Variants in COLEC11 observed in about 807,000 individuals in gnomAD.
COLEC11 encodes the protein collectin-11.
A neutral mutation model predicts 27.3 loss-of-function variants in COLEC11; 20 were observed. The observed-to-expected ratio is 0.73, with a 90% CI of 0.51 to 1.06. The LOEUF is 1.06. Among genes scored for constraint, COLEC11 ranks in the 50% least tolerant of loss-of-function variants. COLEC11 has a pLI of 0.00. For synonymous variants in COLEC11, 163 were observed against 154.7 expected (o/e 1.05, Z -0.40); for missense variants, 310 against 383.0 (o/e 0.81, Z 1.59).
intron 5 of COLEC11, among the ~76,000 whole-genome samples, chr2:3,642,675 T>G (rs112570453): frequency 6.6e-6 from 1 of 152,238 alleles, no homozygotes; most frequent in African/African-American, 2.4e-5. Context: ...TCCACATTCC[T>G]GCCGCATCAT....
chr2:3,603,769 T>C lies in COLEC11; in HGVS notation c.-26-546T>C, dbSNP rs559244906. Reference sequence around the variant, plus strand: ...GCCCCTGGGTTCCTAAGGCCGGGGCTCCTCTCTCCTTACTGATCTCACCGA... The same window carrying C: ...GCCCCTGGGTTCCTAAGGCCGGGGCCCCTCTCTCCTTACTGATCTCACCGA... On this transcript the variant is annotated intron_variant, in intron 1 of 6. Coordinates refer to ENST00000349077, the MANE Select transcript of COLEC11 (RefSeq NM_024027.5). The C allele has an allele frequency of 8.1e-5, 88 of 1,093,126 alleles. No individual in the cohort carries two copies. In the East Asian group the frequency reaches 1.1e-3, roughly 14 times the overall value. 67.7% of individuals were successfully genotyped at this position (1,093,126 alleles called of 1,614,324 possible).
intron 2 of COLEC11, among the ~76,000 whole-genome samples, chr2:3,612,749 C>A (rs17017748): frequency 6.6e-6 from 1 of 152,220 alleles, no homozygotes; most frequent in East Asian, 1.9e-4. Context: ...CTGTCTCCTG[C>A]ACCTGCTGAG....
chr2:3,634,931 C>G (rs924116565), intron 3 of COLEC11, among the ~76,000 whole-genome samples: 4 of 152,084 alleles, frequency 2.6e-5, no homozygotes, highest in African/African-American at 9.7e-5. Context: ...GCGATAGTGC[C>G]TCTCACCGCC....
rs78275220 is a variant in COLEC11, at chr2:3,599,106, C to A, written c.-27+3938C>A. Among the ~76,000 whole-genome samples the A allele has an allele frequency of 2.0e-5, 3 of 152,192 alleles. No homozygotes were observed. The East Asian group carries it at 5.8e-4, about 29-fold the overall frequency. On this transcript the variant is annotated intron_variant, in intron 1 of 6. Coordinates refer to ENST00000349077, the MANE Select transcript of COLEC11 (RefSeq NM_024027.5). Reference sequence around the variant, plus strand: ...CTGGATTTCAGTCCCACCCTCACCACACACTGGTTACGCAATGCTGGGAAG... The same window carrying A: ...CTGGATTTCAGTCCCACCCTCACCAAACACTGGTTACGCAATGCTGGGAAG...
At chr2:3,615,958 C>T (rs1372274085) in intron 3 of COLEC11, among the ~76,000 whole-genome samples, 1 of 151,790 alleles carries the variant, frequency 6.6e-6, no homozygotes, top group Non-Finnish European at 1.5e-5. Flanking sequence ...CCTCACTTCC[C>T]AGACGGGGCG....
At chr2:3,637,482 C>A in intron 3 of COLEC11, 51 bp from the exon 4 acceptor site, 1 of 1,435,268 alleles carries the variant, frequency 7.0e-7, no homozygotes, top group Non-Finnish European at 9.8e-7. Flanking sequence ...ATGGAGGAGG[C>A]CACGGTGTCA....
chr2:3,603,695 G>C, intron 1 of COLEC11: 1 of 1,550,074 alleles, frequency 6.5e-7, no homozygotes, highest in African/African-American at 1.4e-5. Context: ...GGGATGGTCA[G>C]ATGTCCATGA....
chr2:3,629,827 A>G (rs558056309), intron 3 of COLEC11, among the ~76,000 whole-genome samples: 5 of 152,232 alleles, frequency 3.3e-5, no homozygotes, highest in African/African-American at 4.8e-5. Context: ...GTGCTCTTAC[A>G]TATGTATGTA....
At chr2:3,612,643 G>A (rs1363205757) in intron 2 of COLEC11, among the ~76,000 whole-genome samples, 1 of 152,168 alleles carries the variant, frequency 6.6e-6, no homozygotes, top group Non-Finnish European at 1.5e-5. Context: ...CTGGAGTGGA[G>A]GTGTTGGTGT....
At chr2:3,638,009 C>T (rs1025276905) in intron 4 of COLEC11, among the ~76,000 whole-genome samples, 3 of 152,200 alleles carry the variant, frequency 2.0e-5, no homozygotes, top group African/African-American at 7.2e-5. Context: ...TCAGGTATTT[C>T]GAGGTGATGG....
chr2:3,622,585 A>T (rs1664262020), intron 3 of COLEC11, among the ~76,000 whole-genome samples: 1 of 152,146 alleles, frequency 6.6e-6, no homozygotes, highest in Admixed American at 6.5e-5. Context: ...TGACATTATG[A>T]ATGGATTGAT....
At position 3,637,543 on chromosome 2, in the gene COLEC11, G is replaced by T. The variant is rs1031001177; in HGVS notation, c.213G>T (p.Gly71=). The T allele has an allele frequency of 6.2e-7, 1 of 1,614,074 alleles. No individual in the cohort carries two copies. The highest frequency in any genetic ancestry group is 2.2e-5 in the East Asian group (1 of 44,868). ...TATTGTTTTCTACAGGAGACATGGG[G>T]GACAAAGGACAGAAAGGCAGTGTGG... ...VGPTGEKGDM[G]DKGQKGSVGR... Residue 71 remains glycine (G), a synonymous_variant, in exon 4 of 7, where the codon GGG becomes GGT. Transcript: ENST00000349077.
Position 3,643,431 on chromosome 2 carries a change from C to G in COLEC11, c.329-13C>G. 1 of 1,610,230 alleles carries G rather than the reference C, an allele frequency of 6.2e-7. No individual in the cohort carries two copies. Among genetic ancestry groups the G allele is most frequent in the Non-Finnish European group, 8.5e-7 (1 of 1,176,980 alleles). On this transcript the variant is annotated splice_polypyrimidine_tract_variant and intron_variant, in intron 5 of 6. Transcript: ENST00000349077. ...CATCCAGCGTTTGTAACGCGTGGGC[C>G]TGGCCCCCGCAGGCCTCCCATGTGA... is the stretch of plus-strand genomic sequence containing the variant.
chr2:3,627,462 CATG>C (rs548585977), intron 3 of COLEC11, among the ~76,000 whole-genome samples: 21 of 149,104 alleles, frequency 1.4e-4, no homozygotes, highest in African/African-American at 3.5e-4. Flanking sequence ...TGACACTGGG[CATG>C]ATGATGGAGG....
rs1213239693 is a variant in COLEC11 at position 3,612,221 on chromosome 2, C to T, written c.131-1090C>T. Among the ~76,000 whole-genome samples, 24 of 114,940 alleles carry T rather than the reference C, an allele frequency of 2.1e-4. No individual in the cohort carries two copies. In the East Asian group the frequency reaches 2.3e-3, roughly 11 times the overall value. The allele number at this position is 114,940 out of a possible 152,430, so 75.4% of individuals were successfully genotyped here. ...GCACACCTATGCACATGCGGACACA[C>T]GCACACACATGCACCCACGCACCCA... On this transcript the variant is annotated intron_variant, in intron 2 of 6. Transcript: ENST00000349077.
chr2:3,604,353 C>G lies in COLEC11; in HGVS notation c.13C>G (p.Leu5Val). The G allele has an allele frequency of 6.2e-7, 1 of 1,614,256 alleles. No homozygotes were observed. Among genetic ancestry groups the G allele is most frequent in the Non-Finnish European group, 8.5e-7 (1 of 1,180,048 alleles). MRGNLALVGVLISLA... is the reference protein window; with the variant it reads MRGNVALVGVLISLA... ...GCCTGCGCTCAGGATGAGGGGGAAT[C>G]TGGCCCTGGTGGGCGTTCTAATCAG... Residue 5 changes from leucine (L) to valine (V), a missense_variant, in exon 2 of 7, where the codon CTG becomes GTG. Coordinates refer to ENST00000349077, the MANE Select transcript of COLEC11 (RefSeq NM_024027.5).
At chr2:3,607,805 C>T (rs1207763085) in intron 2 of COLEC11, among the ~76,000 whole-genome samples, 1 of 152,204 alleles carries the variant, frequency 6.6e-6, no homozygotes, top group African/African-American at 2.4e-5. Context: ...ATTGATAAAA[C>T]CAGTAATGGG....
At chr2:3,595,277 C>G in intron 1 of COLEC11, 109 bp downstream of exon 1, 1 of 198,402 alleles carries the variant, frequency 5.0e-6, no homozygotes. Flanking sequence ...TCCTGCTGAG[C>G]GAGGAGGATG....
chr2:3,606,124 A>C, intron 2 of COLEC11: 1 of 1,550,516 alleles, frequency 6.4e-7, no homozygotes, highest in Admixed American at 2.0e-5. Flanking sequence ...TGGAACCTTC[A>C]GCTTTAGGTT....
Sources: gnomAD v4.1 joint callset for allele counts (sites outside exome capture counted in the v4.1 genomes callset) on GRCh38, gnomAD v4.1.1 for gene constraint, MANE v1.5 for transcripts, NCBI Gene and HGNC (gene_info 2026-07-23, HGNC 2026-07-21) for gene names.